CRB1: variants seen among roughly 807,000 people sequenced by gnomAD.
CRB1 encodes crumbs cell polarity complex component 1.
A neutral mutation model predicts 120.0 loss-of-function variants in CRB1; 83 were observed. The observed-to-expected ratio is 0.69, with a 90% confidence interval of 0.58 to 0.83. The LOEUF (loss-of-function observed/expected upper bound fraction) is 0.83. Among genes scored for constraint, CRB1 ranks in the 40% least tolerant of loss-of-function variants. The pLI, the probability that CRB1 is intolerant of heterozygous loss-of-function variation, is 0.00. For missense variants in CRB1, 1,699 were observed against 1,687.6 expected, an observed-to-expected ratio of 1.01 and a Z score of -0.12; for synonymous variants, 625 against 612.5, an observed-to-expected ratio of 1.02 and a Z score of -0.30.
At chr1:197,376,671 C>G (rs1301146171) in intron 5 of CRB1, among the ~76,000 whole-genome samples, 1 of 152,164 alleles carries the variant, frequency 6.6e-6, no homozygotes, top group African/African-American at 2.4e-5. Context: ...CATGTCTCAC[C>G]TCAACTACTT....
At chr1:197,217,457 G>A in the CRB1 span, among the ~76,000 whole-genome samples, 1 of 151,894 alleles carries the variant, frequency 6.6e-6, no homozygotes, top group South Asian at 2.1e-4. Context: ...AACAAAATTT[G>A]GTATATCCAT....
chr1:197,437,331 G>A (rs985506158), intron 9 of CRB1, among the ~76,000 whole-genome samples: 4 of 152,144 alleles, frequency 2.6e-5, no homozygotes, highest in Non-Finnish European at 5.9e-5. Context: ...TGTTGTAGGT[G>A]CTAAGTGTTC....
chr1:197,349,017 T>C (rs1659939265), intron 4 of CRB1, among the ~76,000 whole-genome samples: 2 of 152,232 alleles, frequency 1.3e-5, no homozygotes, highest in Admixed American at 6.5e-5. Flanking sequence ...TCATTACTCA[T>C]TGACTCTCAA....
chr1:197,328,009 A>G (rs997986062), intron 1 of CRB1, among the ~76,000 whole-genome samples: 13 of 152,208 alleles, frequency 8.5e-5, no homozygotes, highest in African/African-American at 2.9e-4. Context: ...CAAGGAAACA[A>G]TTTTGCAGCC....
rs1665828290 is a variant in CRB1, at chr1:197,448,953, A to AT, written c.4005+6665dup. Among the ~76,000 whole-genome samples the AT allele has an allele frequency of 3.9e-5, 6 of 152,308 alleles. No individual in the cohort carries two copies. The South Asian group carries it at 1.2e-3, about 32-fold the overall frequency. On this transcript the variant is annotated intron_variant, in intron 11 of 11. Coordinates refer to ENST00000367400, the MANE Select transcript of CRB1 (RefSeq NM_201253.3). ...TGAGAAGAAATTATATTGCTTCCTT[A>AT]TTTTAATATTTTTATTTTAATGAGG...
chr1:197,342,683 C>G (rs1475935694), intron 2 of CRB1, among the ~76,000 whole-genome samples: 2 of 152,004 alleles, frequency 1.3e-5, no homozygotes, highest in African/African-American at 2.4e-5. Flanking sequence ...TCTAAATTCT[C>G]TTTTAGAGTT....
chr1:197,202,799 C>G, the CRB1 span, among the ~76,000 whole-genome samples: 1 of 152,126 alleles, frequency 6.6e-6, no homozygotes, highest in South Asian at 2.1e-4. Flanking sequence ...TTTTACCCAA[C>G]TCTTCAAAAA....
chr1:197,364,287 A>C (rs557547932), intron 5 of CRB1, among the ~76,000 whole-genome samples: 3 of 152,326 alleles, frequency 2.0e-5, no homozygotes, highest in Admixed American at 2.0e-4. Flanking sequence ...GTAATAGATT[A>C]TTTCTATCTA....
At chr1:197,441,313 A>C (rs1457409812) in intron 10 of CRB1, 1 of 152,182 alleles carries the variant, frequency 6.6e-6, no homozygotes, top group Non-Finnish European at 1.5e-5. Context: ...ATAAATATCC[A>C]CTGTGTGACT....
the CRB1 span, among the ~76,000 whole-genome samples, chr1:197,218,462 A>G: frequency 7.5e-4 from 115 of 152,326 alleles, 2 homozygotes; most frequent in East Asian, 0.022. Context: ...TAAAGTATAT[A>G]TTTTTAAATT....
chr1:197,272,420 C>A (rs1376788972), intron 1 of CRB1, among the ~76,000 whole-genome samples: 1 of 152,072 alleles, frequency 6.6e-6, no homozygotes, highest in Non-Finnish European at 1.5e-5. Context: ...TTAGATACTT[C>A]TCTTAGCAAA....
chr1:197,315,290 A>G (rs896881704), intron 1 of CRB1, among the ~76,000 whole-genome samples: 2 of 152,208 alleles, frequency 1.3e-5, no homozygotes, highest in Admixed American at 1.3e-4. Flanking sequence ...CACAAAAGGC[A>G]TCAAATATTT....
intron 5 of CRB1, among the ~76,000 whole-genome samples, chr1:197,365,563 CT>C (rs1661017843): frequency 6.6e-6 from 1 of 151,190 alleles, no homozygotes; most frequent in Non-Finnish European, 1.5e-5. Context: ...GCTCTTTTTT[CT>C]TTTCTTTTCT....
chr1:197,474,726 T>C, intron 11 of CRB1, among the ~76,000 whole-genome samples: 1 of 152,192 alleles, frequency 6.6e-6, no homozygotes, highest in East Asian at 1.9e-4. Context: ...TTCTCTTGTG[T>C]GCATGGGTGT....
the CRB1 span, among the ~76,000 whole-genome samples, chr1:197,215,286 T>C: frequency 6.6e-6 from 1 of 151,118 alleles, no homozygotes; most frequent in Admixed American, 6.6e-5. Flanking sequence ...TTTTTTTTTT[T>C]TTTTTTTTGA....
At chr1:197,333,292 G>A (rs972313111) in intron 2 of CRB1, among the ~76,000 whole-genome samples, 1 of 152,218 alleles carries the variant, frequency 6.6e-6, no homozygotes, top group Non-Finnish European at 1.5e-5. Context: ...AGCCACTGAA[G>A]AGGCTGGTGA....
At chr1:197,358,449 A>G (rs930199802) in intron 5 of CRB1, among the ~76,000 whole-genome samples, 3 of 152,226 alleles carry the variant, frequency 2.0e-5, no homozygotes, top group African/African-American at 7.2e-5. Flanking sequence ...AAGGAGAGAC[A>G]GTAGAATGTT....
rs192892726 is a variant in CRB1 at position 197,383,709 on chromosome 1, C to T, written c.1171+26696C>T. Among the ~76,000 whole-genome samples, 166 of 152,308 alleles carry T rather than the reference C, an allele frequency of 1.1e-3. 1 individual carries two copies. The highest frequency in any genetic ancestry group is 3.8e-3 in the African/African-American group (159 of 41,572). ...GCTCGGAGTTTAGTTTTTCTTCCTCCATGCCAGTGTTTCCTGAGCTTTGGT... is the reference window on the plus strand; with the variant it reads ...GCTCGGAGTTTAGTTTTTCTTCCTCTATGCCAGTGTTTCCTGAGCTTTGGT... On this transcript the variant is annotated intron_variant, in intron 5 of 11. Transcript: ENST00000367400.
intron 4 of CRB1, among the ~76,000 whole-genome samples, chr1:197,356,273 T>C (rs1030516449): frequency 1.3e-5 from 2 of 152,244 alleles, no homozygotes; most frequent in African/African-American, 4.8e-5. Flanking sequence ...TTCATTGATA[T>C]TTAATGTTTT....
Sources: gnomAD v4.1 joint callset for allele counts (sites outside exome capture counted in the v4.1 genomes callset) on GRCh38, gnomAD v4.1.1 for gene constraint, MANE v1.5 for transcripts, NCBI Gene and HGNC (gene_info 2026-07-23, HGNC 2026-07-21) for gene names.